The following KIAA0319L variants were observed in gnomAD, a reference collection of about 807,000 sequenced individuals.
The protein encoded by KIAA0319L is KIAA0319 like.
KIAA0319L carries 55 observed loss-of-function variants against 120.1 expected under a neutral mutation model. The observed-to-expected ratio is 0.46, with a 90% CI of 0.37 to 0.57. The LOEUF is 0.57. KIAA0319L is among the 20% of genes least tolerant of loss of function. KIAA0319L has a pLI of 0.00. For missense variants in KIAA0319L, 1,049 were observed against 1,255.3 expected, an observed-to-expected ratio of 0.84 and a Z score of 2.48; for synonymous variants, 398 against 471.9, an observed-to-expected ratio of 0.84 and a Z score of 2.03.
Position 35,542,038 on chromosome 1 carries a change from T to C in KIAA0319L, c.142+12312A>G, listed in dbSNP as rs576895449. Among the ~76,000 whole-genome samples, 143 of 152,344 alleles carry C rather than the reference T, an allele frequency of 9.4e-4. 1 individual carries two copies. Among genetic ancestry groups the C allele is most frequent in the South Asian group, 3.9e-3 (19 of 4,826 alleles). On this transcript the variant is annotated intron_variant, in intron 2 of 20. Transcript: ENST00000325722. ...GAAGGCCCAGCTGCCTACCTCATAC[T>C]TAATAATGTGCAGACAAAGCTCCCA... is the stretch of plus-strand genomic sequence containing the variant.
At chr1:35,458,499 T>A (rs1206994209) in intron 9 of KIAA0319L, among the ~76,000 whole-genome samples, 3 of 152,030 alleles carry the variant, frequency 2.0e-5, no homozygotes, top group South Asian at 2.1e-4. Flanking sequence ...AGATTTTTTT[T>A]AAAATGAAGG....
At chr1:35,543,118 G>C (rs964766264) in intron 2 of KIAA0319L, among the ~76,000 whole-genome samples, 2 of 152,184 alleles carry the variant, frequency 1.3e-5, no homozygotes, top group African/African-American at 2.4e-5. Flanking sequence ...ATTTCACTGA[G>C]AGAGAGACCA....
chr1:35,457,495 C>CA (rs77520648), intron 9 of KIAA0319L, among the ~76,000 whole-genome samples: 1,882 of 60,550 alleles, frequency 0.031, 10 homozygotes, highest in Admixed American at 0.057. Context: ...ACAGGATTTG[C>CA]AAAAAAAAAA....
intron 2 of KIAA0319L, among the ~76,000 whole-genome samples, chr1:35,553,084 T>TA (rs879375828): frequency 6.7e-4 from 94 of 141,086 alleles, no homozygotes; most frequent in Middle Eastern, 7.6e-3. Flanking sequence ...GACACTGTCT[T>TA]AAAAAAAAAA....
intron 7 of KIAA0319L, among the ~76,000 whole-genome samples, chr1:35,465,101 A>G (rs1473700164): frequency 7.9e-5 from 12 of 152,228 alleles, no homozygotes; most frequent in Admixed American, 3.3e-4. Context: ...AGGCCCACAC[A>G]GTCCCTACTG....
At chr1:35,501,078 A>G (rs1425243557) in intron 3 of KIAA0319L, among the ~76,000 whole-genome samples, 1 of 151,980 alleles carries the variant, frequency 6.6e-6, no homozygotes, top group African/African-American at 2.4e-5. Flanking sequence ...TCCTCCCCTC[A>G]TGTCTATCCA....
chr1:35,484,409 A>C (rs949962935), intron 3 of KIAA0319L, among the ~76,000 whole-genome samples: 1 of 152,150 alleles, frequency 6.6e-6, no homozygotes, highest in Non-Finnish European at 1.5e-5. Context: ...CCCTATCTCT[A>C]AAATAAATAA....
chr1:35,552,284 G>A (rs960990461), intron 2 of KIAA0319L, among the ~76,000 whole-genome samples: 4 of 152,174 alleles, frequency 2.6e-5, no homozygotes, highest in Admixed American at 2.0e-4. Context: ...GGAGGTTGCA[G>A]TGAGCAGAGA....
intron 2 of KIAA0319L, among the ~76,000 whole-genome samples, chr1:35,530,547 G>A (rs921390919): frequency 6.6e-6 from 1 of 151,970 alleles, no homozygotes; most frequent in Non-Finnish European, 1.5e-5. Flanking sequence ...AGCCTCTTTA[G>A]TATCATGATT....
intron 5 of KIAA0319L, among the ~76,000 whole-genome samples, chr1:35,473,382 G>T (rs1355058978): frequency 6.6e-6 from 1 of 152,068 alleles, no homozygotes; most frequent in African/African-American, 2.4e-5. Flanking sequence ...ACAAGTGTGA[G>T]CCACCGTGCC....
chr1:35,494,453 A>G (rs961349193), intron 3 of KIAA0319L, among the ~76,000 whole-genome samples: 2 of 152,158 alleles, frequency 1.3e-5, no homozygotes, highest in South Asian at 2.1e-4. Flanking sequence ...CGTCTCAAAA[A>G]ATAAATAAAT....
At chr1:35,547,655 C>T (rs187759248) in intron 2 of KIAA0319L, among the ~76,000 whole-genome samples, 30 of 152,224 alleles carry the variant, frequency 2.0e-4, no homozygotes, top group Non-Finnish European at 4.0e-4. Context: ...ACGTATTGTA[C>T]GATTCCATTT....
At chr1:35,548,247 C>T (rs527596785) in intron 2 of KIAA0319L, among the ~76,000 whole-genome samples, 2 of 151,984 alleles carry the variant, frequency 1.3e-5, no homozygotes, top group Non-Finnish European at 1.5e-5. Flanking sequence ...AAGACAGAGT[C>T]TCATCAACTT....
chr1:35,450,565 T>C (rs1641985889), intron 13 of KIAA0319L, 56 bp from the exon 14 acceptor site: 7 of 1,512,776 alleles, frequency 4.6e-6, no homozygotes, highest in Non-Finnish European at 6.4e-6. Flanking sequence ...AAGAAATGTT[T>C]CTTCATGATG....
chr1:35,451,997 C>G (rs929943023), intron 12 of KIAA0319L, among the ~76,000 whole-genome samples: 3 of 152,216 alleles, frequency 2.0e-5, no homozygotes, highest in Admixed American at 1.3e-4. Flanking sequence ...TTTCAAACAC[C>G]TCTAGCCTTA....
intron 9 of KIAA0319L, 94 bp from the exon 10 acceptor site, chr1:35,456,335 A>G (rs572396531): frequency 1.1e-5 from 9 of 820,242 alleles, no homozygotes; most frequent in East Asian, 5.2e-5. Context: ...AGAAATACCA[A>G]TGTGGCAAGG....
intron 3 of KIAA0319L, among the ~76,000 whole-genome samples, chr1:35,494,864 A>C (rs1644741071): frequency 6.6e-6 from 1 of 151,378 alleles, no homozygotes; most frequent in Non-Finnish European, 1.5e-5. Flanking sequence ...CAATATAGGC[A>C]AACAGATAAA....
chr1:35,550,894 T>C (rs1647175281), intron 2 of KIAA0319L, among the ~76,000 whole-genome samples: 1 of 152,210 alleles, frequency 6.6e-6, no homozygotes, highest in Non-Finnish European at 1.5e-5. Flanking sequence ...ATTTTAAGAC[T>C]GGATAGTATC....
intron 10 of KIAA0319L, 111 bp from the exon 11 acceptor site, chr1:35,454,596 T>C: frequency 1.3e-6 from 2 of 1,505,296 alleles, no homozygotes; most frequent in Non-Finnish European, 1.8e-6. Context: ...CCTAAGATGG[T>C]ACTGGGCTAT....
Sources: gnomAD v4.1 joint callset for allele counts (sites outside exome capture counted in the v4.1 genomes callset) on GRCh38, gnomAD v4.1.1 for gene constraint, MANE v1.5 for transcripts, NCBI Gene and HGNC (gene_info 2026-07-23, HGNC 2026-07-21) for gene names.